The following ETV6 variants were observed in gnomAD, a reference collection of about 807,000 sequenced individuals.
ETV6 encodes the protein transcription factor ETV6.
A neutral mutation model predicts 51.1 loss-of-function variants in ETV6; 16 were observed. The ratio of observed to expected loss-of-function variants is 0.31; its 90% CI spans 0.21 to 0.48. The LOEUF is 0.48. Among genes scored for constraint, ETV6 ranks in the 20% least tolerant of loss-of-function variants. The pLI is 0.99. For missense variants in ETV6, 458 were observed against 594.8 expected (o/e 0.77, Z 2.39); for synonymous variants, 240 against 224.1 (o/e 1.07, Z -0.64).
chr12:11,867,897 G>T (rs1001120333), intron 4 of ETV6, among the ~76,000 whole-genome samples: 1 of 152,120 alleles, frequency 6.6e-6, no homozygotes, highest in African/African-American at 2.4e-5. Flanking sequence ...GCAGATTTCT[G>T]TCCTTCTGCA....
Position 11,853,578 on chromosome 12 carries a change from CTCTTT to C in ETV6, c.463+22_463+26del. On this transcript the variant is annotated intron_variant, in intron 4 of 7. Transcript: ENST00000396373. ...ATGAAGAAGGTACTGGAAGAGGTTTCTCTTTTCTTGCCTGAGGTTTAGACAAATCC... is the reference window on the plus strand; with the variant it reads ...ATGAAGAAGGTACTGGAAGAGGTTTCTCTTGCCTGAGGTTTAGACAAATCC... 2 of 1,613,656 alleles carry C rather than the reference CTCTTT, an allele frequency of 1.2e-6. No homozygotes were observed. Among genetic ancestry groups the C allele is most frequent in the Non-Finnish European group, 1.7e-6 (2 of 1,179,756 alleles).
At chr12:11,759,599 T>C (rs77035974) in intron 2 of ETV6, among the ~76,000 whole-genome samples, 1,705 of 152,358 alleles carry the variant, frequency 0.011, 16 homozygotes, top group South Asian at 0.039. Context: ...CCATTTCTTC[T>C]TTTCTTCTGT....
At chr12:11,671,973 G>T (rs1864326713) in intron 1 of ETV6, among the ~76,000 whole-genome samples, 1 of 149,644 alleles carries the variant, frequency 6.7e-6, no homozygotes. Flanking sequence ...GGTCCTTTGT[G>T]CTTCATGTTT....
In ETV6 at chr12:11,714,397, G is replaced by A. The variant is rs538965049; in HGVS notation, c.34-38053G>A. Reference sequence around the variant, plus strand: ...CTCTGCACTTTCCAAAGTGATAGCTGACTAATCAAAGATATTGTGATAATG... The same window carrying A: ...CTCTGCACTTTCCAAAGTGATAGCTAACTAATCAAAGATATTGTGATAATG... On this transcript the variant is annotated intron_variant, in intron 1 of 7. Coordinates refer to ENST00000396373, the MANE Select transcript of ETV6 (RefSeq NM_001987.5). Among the ~76,000 whole-genome samples the A allele has an allele frequency of 2.6e-5, 4 of 152,232 alleles. No individual in the cohort carries two copies. In the East Asian group the frequency reaches 7.7e-4, roughly 29 times the overall value.
intron 1 of ETV6, among the ~76,000 whole-genome samples, chr12:11,751,240 C>T (rs1866019728): frequency 6.6e-6 from 1 of 152,222 alleles, no homozygotes; most frequent in African/African-American, 2.4e-5. Flanking sequence ...CCGCCGCTTC[C>T]CTTTGCACAT....
At chr12:11,875,829 A>C (rs1946974121) in intron 5 of ETV6, among the ~76,000 whole-genome samples, 1 of 152,208 alleles carries the variant, frequency 6.6e-6, no homozygotes, top group Non-Finnish European at 1.5e-5. Flanking sequence ...TTTCCTGGAA[A>C]ACAGCCAAAC....
chr12:11,666,733 A>G (rs955627803), intron 1 of ETV6, among the ~76,000 whole-genome samples: 14 of 152,238 alleles, frequency 9.2e-5, no homozygotes, highest in African/African-American at 1.7e-4. Context: ...CCTGAACCCA[A>G]CCAGACCCCA....
chr12:11,699,227 A>G (rs1864932913), intron 1 of ETV6, among the ~76,000 whole-genome samples: 2 of 152,256 alleles, frequency 1.3e-5, no homozygotes, highest in African/African-American at 4.8e-5. Flanking sequence ...AAATGGAAGG[A>G]AACCAGAATT....
rs146007745 is a variant in ETV6 at position 11,830,220 on chromosome 12, G to A, written c.164-8920G>A. Reference sequence around the variant, plus strand: ...CACCGAGCAGTATTCGGGATCTGCAGCTAGACCAGGCCTGCCATGAGAAGT... The same window carrying A: ...CACCGAGCAGTATTCGGGATCTGCAACTAGACCAGGCCTGCCATGAGAAGT... On this transcript the variant is annotated intron_variant, in intron 2 of 7. Coordinates refer to ENST00000396373, the MANE Select transcript of ETV6 (RefSeq NM_001987.5). Among the ~76,000 whole-genome samples the A allele has an allele frequency of 1.6e-3, 251 of 152,296 alleles. 1 individual carries two copies. Among genetic ancestry groups the A allele is most frequent in the Middle Eastern group, 6.8e-3 (2 of 294 alleles).
chr12:11,707,400 C>T (rs1207653233), intron 1 of ETV6, among the ~76,000 whole-genome samples: 2 of 152,182 alleles, frequency 1.3e-5, no homozygotes, highest in Non-Finnish European at 2.9e-5. Flanking sequence ...TCTACCTGAG[C>T]TGGATGTAGA....
chr12:11,738,465 C>T (rs1389554867), intron 1 of ETV6, among the ~76,000 whole-genome samples: 3 of 151,616 alleles, frequency 2.0e-5, no homozygotes, highest in Non-Finnish European at 2.9e-5. Flanking sequence ...TACCACCATG[C>T]CCGACTAATT....
In ETV6 at chr12:11,869,882, C is replaced by A. The variant is rs1269640792; in HGVS notation, c.922C>A (p.His308Asn). The stretch of plus-strand genomic sequence containing the variant: ...GGAAGGGAAGCCCATCAACCTCTCT[C>A]ATCGGGAAGACCTGGCTTACATGAA... ...HREGKPINLS[H>N]REDLAYMNHI... Residue 308 changes from histidine to asparagine, a missense_variant, in exon 5 of 8, where the codon CAT becomes AAT. This residue lies in a region of ETV6 where 293 missense variants were observed against 315.7 expected (regional missense o/e 0.93). Coordinates refer to ENST00000396373, the MANE Select transcript of ETV6 (RefSeq NM_001987.5). The surrounding 1 kb of genome is among the most constrained non-coding windows in gnomAD (Gnocchi z 5.0). 6 of 1,613,004 alleles carry A rather than the reference C, an allele frequency of 3.7e-6. No homozygotes were observed. The East Asian group carries it at 1.3e-4, about 36-fold the overall frequency.
At chr12:11,766,108 A>T (rs1945157604) in intron 2 of ETV6, among the ~76,000 whole-genome samples, 1 of 152,180 alleles carries the variant, frequency 6.6e-6, no homozygotes, top group Non-Finnish European at 1.5e-5. Flanking sequence ...TGGGGTCCCC[A>T]CTTGCTGGGT....
chr12:11,742,805 C>CTTTTT (rs751007395), intron 1 of ETV6, among the ~76,000 whole-genome samples: 53 of 78,656 alleles, frequency 6.7e-4, no homozygotes, highest in Non-Finnish European at 8.6e-4. Flanking sequence ...TTCTTTCTTT[C>CTTTTT]TTTTTTTTTT....
At chr12:11,666,752 C>T (rs911559572) in intron 1 of ETV6, among the ~76,000 whole-genome samples, 1 of 152,228 alleles carries the variant, frequency 6.6e-6, no homozygotes, top group Non-Finnish European at 1.5e-5. Context: ...CAGCAAGAGT[C>T]CTTTTACAGT....
Position 11,759,612 on chromosome 12 carries a change from G to A in ETV6, c.163+7033G>A, listed in dbSNP as rs142114906. On this transcript the variant is annotated intron_variant, in intron 2 of 7. Coordinates refer to ENST00000396373, the MANE Select transcript of ETV6 (RefSeq NM_001987.5). ...TTCCATTTCTTCTTTTCTTCTGTCC[G>A]TTGCTTCCTCTTGGATTTTCCCAAC... Among the ~76,000 whole-genome samples the A allele has an allele frequency of 4.1e-3, 628 of 152,274 alleles. 3 individuals carry two copies. The highest frequency in any genetic ancestry group is 7.2e-3 in the Non-Finnish European group (489 of 68,018).
intron 2 of ETV6, among the ~76,000 whole-genome samples, chr12:11,792,965 G>T (rs1178796200): frequency 6.6e-6 from 1 of 152,006 alleles, no homozygotes; most frequent in Non-Finnish European, 1.5e-5. Flanking sequence ...TTAGTTAGGG[G>T]GCTACGGGAG....
chr12:11,800,742 C>T (rs1371137612), intron 2 of ETV6, among the ~76,000 whole-genome samples: 1 of 152,014 alleles, frequency 6.6e-6, no homozygotes, highest in Non-Finnish European at 1.5e-5. Context: ...TGAAGTTACC[C>T]CCCCAGAAAG....
chr12:11,857,274 C>G (rs149421363), intron 4 of ETV6, among the ~76,000 whole-genome samples: 121 of 152,324 alleles, frequency 7.9e-4, no homozygotes, highest in African/African-American at 2.8e-3. Context: ...ATCATGCCTT[C>G]GTTAGTAGCC....
Sources: allele counts gnomAD v4.1 joint callset (sites outside exome capture counted in the v4.1 genomes callset), GRCh38; gene constraint gnomAD v4.1.1; regional missense constraint gnomAD v4.1.1; non-coding constraint Gnocchi (gnomAD v3.1); transcripts MANE v1.5; gene names NCBI Gene and HGNC (gene_info 2026-07-23, HGNC 2026-07-21).